The following HPN variants were observed in gnomAD, a reference collection of about 807,000 sequenced individuals.
The protein encoded by HPN is serine protease hepsin.
A neutral mutation model predicts 55.9 loss-of-function variants in HPN; 13 were observed. The observed-to-expected ratio is 0.23, with a 90% confidence interval of 0.15 to 0.37. The LOEUF (loss-of-function observed/expected upper bound fraction) is 0.37, where lower values mean the gene tolerates loss of function less well. HPN is among the 10% of genes least tolerant of loss of function. The pLI is 1.00. For synonymous variants in HPN, 225 were observed against 240.3 expected (o/e 0.94, Z 0.59); for missense variants, 451 against 575.8 (o/e 0.78, Z 2.22).
Position 35,042,039 on chromosome 19 carries a change from C to T in HPN, c.-55+167C>T, listed in dbSNP as rs2064299622. 3 of 1,150,260 alleles carry T rather than the reference C, an allele frequency of 2.6e-6. No homozygotes were observed. In the South Asian group the frequency reaches 5.1e-5, roughly 20 times the overall value. 71.3% of individuals were successfully genotyped at this position (1,150,260 alleles called of 1,614,324 possible). A position where few individuals can be genotyped will look rare whatever the true frequency, so the allele number is the denominator to read the frequency against. ...ACCTAGGTGTTCTGTCCTGCTCTTC[C>T]TTCAGACTCAGCCGTTGGACCCCAG... On this transcript the variant is annotated intron_variant, in intron 1 of 12. Transcript: ENST00000672452.
intron 2 of HPN, among the ~76,000 whole-genome samples, chr19:35,047,799 A>T (rs1272030982): frequency 1.3e-5 from 2 of 151,910 alleles, no homozygotes; most frequent in Non-Finnish European, 2.9e-5. Context: ...GGAGTTCACG[A>T]CCAGCCTGGT....
At chr19:35,040,600 G>T (rs559281378), upstream of HPN, 20 of 153,186 alleles carry the variant, frequency 1.3e-4, 1 homozygote, top group South Asian at 3.9e-3. Flanking sequence ...ATGGGCTCAG[G>T]GGTGAGGGAG....
At chr19:35,059,341 G>A in intron 4 of HPN, 1 of 448,372 alleles carries the variant, frequency 2.2e-6, no homozygotes, top group Non-Finnish European at 4.2e-6. Flanking sequence ...AATTAGTCAG[G>A]TGTGGTGGTG....
upstream of HPN, among the ~76,000 whole-genome samples, chr19:35,040,718 G>A (rs751108057): frequency 3.3e-5 from 5 of 152,162 alleles, no homozygotes; most frequent in Admixed American, 6.5e-5. Flanking sequence ...AGCAGTGTGA[G>A]TCTCTGGAGA....
intron 4 of HPN, among the ~76,000 whole-genome samples, chr19:35,050,922 T>TC (rs910111840): frequency 3.6e-5 from 5 of 137,018 alleles, no homozygotes; most frequent in Middle Eastern, 3.5e-3. Flanking sequence ...TTCTTTTTTT[T>TC]TTTTTTTTTT....
chr19:35,044,986 G>A (rs2064327866), intron 2 of HPN, among the ~76,000 whole-genome samples: 3 of 152,122 alleles, frequency 2.0e-5, no homozygotes, highest in Admixed American at 1.3e-4. Flanking sequence ...ATGCAGATGG[G>A]GATGGTCCTA....
intron 4 of HPN, chr19:35,059,385 G>C (rs999939771): frequency 5.5e-6 from 3 of 543,970 alleles, no homozygotes; most frequent in Non-Finnish European, 1.0e-5. Flanking sequence ...AGGAGGTTGA[G>C]GTAGGAGGAT....
Position 35,049,560 on chromosome 19 carries a change from C to T in HPN, c.160+44C>T, listed in dbSNP as rs1011535893. The stretch of plus-strand genomic sequence containing the variant: ...GACCCTCTGGGGGAGCCCTGGAGGA[C>T]ACGTGTATCTGGCGGGAGCTCAACA... On this transcript the variant is annotated intron_variant, in intron 4 of 12. Transcript: ENST00000672452. 2.6e-6 allele frequency: 4 copies of T among 1,543,934 alleles called. No homozygotes were observed. In the African/African-American group the frequency reaches 5.4e-5, roughly 21 times the overall value.
intron 4 of HPN, among the ~76,000 whole-genome samples, chr19:35,056,592 C>T (rs116445636): frequency 5.4e-4 from 82 of 152,280 alleles, no homozygotes; most frequent in African/African-American, 1.9e-3. Flanking sequence ...CCGGGAGCTC[C>T]CTCTAGCCTT....
chr19:35,050,670 G>C, intron 4 of HPN: 1 of 453,370 alleles, frequency 2.2e-6, no homozygotes, highest in East Asian at 8.1e-5. Context: ...AGGGGAAGTT[G>C]GGTGGTGGGA....
In HPN at chr19:35,060,067, C is replaced by T. The variant is rs371587899; in HGVS notation, c.414-62C>T. ...GGCACTCCCTCTCCCCGTTTTCCTT[C>T]CACCTGTCTTAACTGGTCTCTATTT... On this transcript the variant is annotated intron_variant, in intron 6 of 12. Coordinates refer to ENST00000672452, the MANE Select transcript of HPN (RefSeq NM_001384133.1). 133 of 1,613,984 alleles carry T rather than the reference C, an allele frequency of 8.2e-5. No individual in the cohort carries two copies. In the African/African-American group the frequency reaches 1.6e-3, roughly 19 times the overall value.
chr19:35,050,617 C>A, intron 4 of HPN: 1 of 946,332 alleles, frequency 1.1e-6, no homozygotes, highest in Non-Finnish European at 1.4e-6. Flanking sequence ...TCCCAAATGC[C>A]AACTTCAAGC....
chr19:35,054,367 G>A (rs1318348369), intron 4 of HPN, among the ~76,000 whole-genome samples: 21 of 149,518 alleles, frequency 1.4e-4, no homozygotes, highest in Non-Finnish European at 1.0e-4. Flanking sequence ...GCAGTGAGCC[G>A]AGATCATGCC....
In HPN at chr19:35,059,535, G is replaced by T. The variant is rs865810179; in HGVS notation, c.161-138G>T. 5.5e-6 allele frequency: 6 copies of T among 1,088,946 alleles called. No individual in the cohort carries two copies. In the African/African-American group the frequency reaches 9.3e-5, roughly 17 times the overall value. The allele number at this position is 1,088,946 out of a possible 1,614,324, so 67.5% of individuals were successfully genotyped here. On this transcript the variant is annotated intron_variant, in intron 4 of 12. Transcript: ENST00000672452. Reference sequence around the variant, plus strand: ...TCCAGATGCAATCGCAGATGTGGGGGCTGCAACCCTCCGATGGGCTGGGGT... The same window carrying T: ...TCCAGATGCAATCGCAGATGTGGGGTCTGCAACCCTCCGATGGGCTGGGGT...
At chr19:35,041,943 C>G in intron 1 of HPN, 71 bp downstream of exon 1, 1 of 1,248,352 alleles carries the variant, frequency 8.0e-7, no homozygotes. Flanking sequence ...CCCCACCCAG[C>G]CTAATGCCCA....
Position 35,065,921 on chromosome 19 carries a change from T to C in HPN, c.1104T>C (p.Arg368=). Residue 368 remains arginine (R), a synonymous_variant, in exon 12 of 13, where the codon CGT becomes CGC. Coordinates refer to ENST00000672452, the MANE Select transcript of HPN (RefSeq NM_001384133.1). ...VCEDSISRTP[R]WRLCGIVSWG... Reference sequence around the variant, plus strand: ...AGGACAGCATCTCTCGGACGCCACGTTGGCGGCTGTGTGGCATTGTGAGTT... The same window carrying C: ...AGGACAGCATCTCTCGGACGCCACGCTGGCGGCTGTGTGGCATTGTGAGTT... 6.2e-7 allele frequency: 1 copy of C among 1,614,120 alleles called. No homozygotes were observed. Among genetic ancestry groups the C allele is most frequent in the African/African-American group, 1.3e-5 (1 of 75,068 alleles).
rs554591477 is a variant in HPN, at chr19:35,055,614, A to G, written c.161-4059A>G. 3.3e-5 allele frequency among the ~76,000 whole-genome samples: 5 copies of G among 151,846 alleles called. No individual in the cohort carries two copies. The South Asian group carries it at 1.0e-3, about 32-fold the overall frequency. On this transcript the variant is annotated intron_variant, in intron 4 of 12. Coordinates refer to ENST00000672452, the MANE Select transcript of HPN (RefSeq NM_001384133.1). ...CAGCTGCACCTACAGAACCTCTCCA[A>G]AATCTGAACTCTTCTCCCCGTCCAC...
At position 35,065,698 on chromosome 19, in the gene HPN, G is replaced by C; in HGVS notation, c.1050+17G>C. The C allele has an allele frequency of 6.2e-7, 1 of 1,613,776 alleles. No individual in the cohort carries two copies. Among genetic ancestry groups the C allele is most frequent in the Non-Finnish European group, 8.5e-7 (1 of 1,179,930 alleles). ...GCCTGCCAGGTGAGGGACTCTGTAGGGGCAGCCCCCTGGTCGCTGCCACCC... is the reference window on the plus strand; with the variant it reads ...GCCTGCCAGGTGAGGGACTCTGTAGCGGCAGCCCCCTGGTCGCTGCCACCC... On this transcript the variant is annotated intron_variant, in intron 11 of 12. Transcript: ENST00000672452.
intron 1 of HPN, 194 bp from the exon 2 acceptor site, chr19:35,042,259 A>C: frequency 1.5e-6 from 2 of 1,343,724 alleles, no homozygotes; most frequent in Non-Finnish European, 1.9e-6. Context: ...CTGCAAATCC[A>C]GGCGTCCCCC....
Sources: gnomAD v4.1 joint callset for allele counts (sites outside exome capture counted in the v4.1 genomes callset) on GRCh38, gnomAD v4.1.1 for gene constraint, MANE v1.5 for transcripts, NCBI Gene and HGNC (gene_info 2026-07-23, HGNC 2026-07-21) for gene names.